Variants in MYO1E observed in about 807,000 individuals in gnomAD.
MYO1E encodes the protein unconventional myosin-Ie.
Under a neutral mutation model 151.1 loss-of-function variants are expected in MYO1E, and 68 were observed. The observed-to-expected ratio is 0.45, with a 90% CI of 0.37 to 0.55. The LOEUF (loss-of-function observed/expected upper bound fraction) is 0.55, where lower values mean the gene tolerates loss of function less well. Ranked by LOEUF, MYO1E falls within the 20% of genes least tolerant of loss-of-function variation. The pLI is 0.00. For missense variants in MYO1E, 1,363 were observed against 1,389.3 expected (o/e 0.98, Z 0.30); for synonymous variants, 601 against 501.7 (o/e 1.20, Z -2.64).
At chr15:59,247,128 G>A (rs1013556215) in intron 4 of MYO1E, among the ~76,000 whole-genome samples, 7 of 152,168 alleles carry the variant, frequency 4.6e-5, no homozygotes, top group Non-Finnish European at 1.0e-4. Flanking sequence ...CCTGAGAGGC[G>A]GAGGTTGCAG....
chr15:59,261,567 T>C, intron 2 of MYO1E, 58 bp from the exon 3 acceptor site: 7 of 1,126,644 alleles, frequency 6.2e-6, no homozygotes, highest in Non-Finnish European at 9.5e-6. Flanking sequence ...ATTTTTCAAA[T>C]TAAGTAACCA....
intron 1 of MYO1E, among the ~76,000 whole-genome samples, chr15:59,297,053 T>C (rs6494095): frequency 0.62 from 41,249 of 66,508 alleles, 15,984 homozygotes; most frequent in South Asian, 0.86. Context: ...AGAGTTTCAC[T>C]GTGTTAGCCA....
chr15:59,208,244 C>A, intron 14 of MYO1E: 1 of 666,664 alleles, frequency 1.5e-6, no homozygotes, highest in South Asian at 2.3e-5. Flanking sequence ...TTTTATTGAG[C>A]ATCCACGTGC....
chr15:59,344,942 A>T (rs778352382), intron 1 of MYO1E, among the ~76,000 whole-genome samples: 1 of 152,226 alleles, frequency 6.6e-6, no homozygotes, highest in Non-Finnish European at 1.5e-5. Context: ...AAATCAACTC[A>T]TCTGTTTGCA....
Position 59,227,587 on chromosome 15 carries a change from T to G in MYO1E, c.514A>C (p.Lys172Gln). The change falls in exon 7 of 28, where the codon AAA (lysine) becomes CAA (glutamine). Residue 172 changes from lysine to glutamine, a missense_variant. Coordinates refer to ENST00000288235, the MANE Select transcript of MYO1E (RefSeq NM_004998.4). Reference protein sequence around the residue: ...VRNNNSSRFGKYFEIQFSPGG... With the variant: ...VRNNNSSRFGQYFEIQFSPGG... ...GGACTGAACTGGATTTCAAAGTATT[T>G]TCCCTGCAAGAAAGTTAGGGATTTC... 6.2e-7 allele frequency: 1 copy of G among 1,614,146 alleles called. No homozygotes were observed. Among genetic ancestry groups the G allele is most frequent in the Non-Finnish European group, 8.5e-7 (1 of 1,180,008 alleles).
chr15:59,212,388 A>G (rs1371990566), intron 12 of MYO1E, among the ~76,000 whole-genome samples: 1 of 152,056 alleles, frequency 6.6e-6, no homozygotes, highest in Non-Finnish European at 1.5e-5. Flanking sequence ...ACCCCCTGGT[A>G]TGGTGTTTCC....
chr15:59,259,695 G>A (rs111375864), intron 3 of MYO1E, among the ~76,000 whole-genome samples: 3,156 of 152,282 alleles, frequency 0.021, 109 homozygotes, highest in African/African-American at 0.072. Context: ...AGGCTTCAAC[G>A]CTGCTGAACT....
intron 1 of MYO1E, among the ~76,000 whole-genome samples, chr15:59,305,911 C>G (rs1462884088): frequency 1.3e-5 from 2 of 152,126 alleles, no homozygotes; most frequent in Non-Finnish European, 2.9e-5. Context: ...TGAGGACAGA[C>G]CAAGGCCATA....
chr15:59,150,023 T>C (rs2079466775), intron 26 of MYO1E, among the ~76,000 whole-genome samples: 1 of 152,366 alleles, frequency 6.6e-6, no homozygotes, highest in Middle Eastern at 3.4e-3. Context: ...CCAAAGTCTC[T>C]GGCCACATTA....
intron 1 of MYO1E, among the ~76,000 whole-genome samples, chr15:59,318,402 T>C (rs1441725255): frequency 6.6e-6 from 1 of 152,158 alleles, no homozygotes; most frequent in Non-Finnish European, 1.5e-5. Context: ...CACACTGTCC[T>C]GGAAATGCTA....
At chr15:59,177,080 AAGG>A (rs1170370639) in intron 19 of MYO1E, among the ~76,000 whole-genome samples, 2 of 152,254 alleles carry the variant, frequency 1.3e-5, no homozygotes, top group Non-Finnish European at 1.5e-5. Context: ...GGTATGAAAC[AAGG>A]AGTTCTGCAT....
chr15:59,147,491 T>C (rs1225959952), intron 26 of MYO1E, among the ~76,000 whole-genome samples: 1 of 145,666 alleles, frequency 6.9e-6, no homozygotes, highest in African/African-American at 2.5e-5. Flanking sequence ...GCTTGCGAGG[T>C]TGAGGCATGA....
At chr15:59,300,871 T>TC (rs1567008018) in intron 1 of MYO1E, among the ~76,000 whole-genome samples, 1 of 146,782 alleles carries the variant, frequency 6.8e-6, no homozygotes, top group Non-Finnish European at 1.5e-5. Flanking sequence ...TTTTTCTTTT[T>TC]TTTTTTTTTT....
chr15:59,152,901 G>A (rs1212229523), intron 26 of MYO1E, among the ~76,000 whole-genome samples: 7 of 152,166 alleles, frequency 4.6e-5, no homozygotes, highest in African/African-American at 7.2e-5. Context: ...GGGTTGCTAC[G>A]TTCTTCCTTT....
intron 12 of MYO1E, among the ~76,000 whole-genome samples, chr15:59,213,136 TTTATTATTATTATTATTATTATTA>T (rs147109664): frequency 9.1e-4 from 127 of 139,366 alleles, no homozygotes; most frequent in South Asian, 2.3e-3. Context: ...GAACTATTTA[TTTATTATTATTATTATTATTATTA>T]TTATTATTAT....
chr15:59,171,805 C>T, intron 22 of MYO1E, 92 bp downstream of exon 22: 1 of 1,546,884 alleles, frequency 6.5e-7, no homozygotes, highest in Non-Finnish European at 8.9e-7. Context: ...GCTGGGAAGC[C>T]CAGCCCGGCC....
chr15:59,213,684 C>T (rs867687750), intron 12 of MYO1E, among the ~76,000 whole-genome samples: 33 of 150,096 alleles, frequency 2.2e-4, no homozygotes, highest in Middle Eastern at 3.5e-3. Flanking sequence ...TGGTCTTGAA[C>T]TCCCGGGCTC....
intron 26 of MYO1E, among the ~76,000 whole-genome samples, chr15:59,151,313 C>G (rs1484896500): frequency 6.6e-6 from 1 of 151,878 alleles, no homozygotes; most frequent in Non-Finnish European, 1.5e-5. Context: ...ACCTGTAGTC[C>G]CAGCTACTCA....
At chr15:59,179,581 G>A (rs1054336016) in intron 18 of MYO1E, among the ~76,000 whole-genome samples, 1 of 152,196 alleles carries the variant, frequency 6.6e-6, no homozygotes, top group Non-Finnish European at 1.5e-5. Flanking sequence ...AACCTGATCA[G>A]GTTGGTTTTC....
Sources: gnomAD v4.1 joint callset for allele counts (sites outside exome capture counted in the v4.1 genomes callset) on GRCh38, gnomAD v4.1.1 for gene constraint, MANE v1.5 for transcripts, NCBI Gene and HGNC (gene_info 2026-07-23, HGNC 2026-07-21) for gene names.